The following CHD1L variants were observed in gnomAD, a reference collection of about 807,000 sequenced individuals.
CHD1L encodes chromodomain helicase DNA binding protein 1 like, also known as ATP-dependent chromatin remodeler CHD1L.
In CHD1L, 118 loss-of-function variants were observed where a neutral mutation model predicts 115.9. The observed-to-expected ratio is 1.02, with a 90% CI of 0.88 to 1.19. The LOEUF is 1.19. Among genes scored for constraint, CHD1L ranks in the 50% most tolerant of loss-of-function variants. CHD1L has a pLI of 0.00. For missense variants in CHD1L, 1,179 were observed against 1,065.3 expected (o/e 1.11, Z -1.49); for synonymous variants, 411 against 387.1 (o/e 1.06, Z -0.72).
chr1:147,229,499 T>C, the CHD1L span, among the ~76,000 whole-genome samples: 1 of 152,206 alleles, frequency 6.6e-6, no homozygotes, highest in African/African-American at 2.4e-5. Context: ...CGGGCTCTTT[T>C]TTGGTTCCAT....
the CHD1L span, chr1:147,186,395 G>T: frequency 1.1e-6 from 1 of 887,368 alleles, no homozygotes; most frequent in Non-Finnish European, 1.3e-6. Context: ...TCTTATCTTA[G>T]ATACATACAA....
intron 15 of CHD1L, among the ~76,000 whole-genome samples, chr1:147,282,582 C>T (rs1681347829): frequency 6.6e-6 from 1 of 152,114 alleles, no homozygotes; most frequent in Non-Finnish European, 1.5e-5. Context: ...CCACCATTGC[C>T]TCATAGATCT....
At chr1:147,214,571 A>T in the CHD1L span, among the ~76,000 whole-genome samples, 2 of 152,088 alleles carry the variant, frequency 1.3e-5, no homozygotes, top group African/African-American at 2.4e-5. Context: ...CTCTGCCGAG[A>T]TCACCCTTTT....
rs180845536 is a variant in CHD1L at position 147,292,666 on chromosome 1, C to G, written c.2392-942C>G. On this transcript the variant is annotated intron_variant, in intron 20 of 22. Transcript: ENST00000369258. Reference sequence around the variant, plus strand: ...CTGGGGGCTTCAGGAAGCTCACAGTCATGGTGGAAGGCAAAGGGGAAGCTA... The same window carrying G: ...CTGGGGGCTTCAGGAAGCTCACAGTGATGGTGGAAGGCAAAGGGGAAGCTA... Among the ~76,000 whole-genome samples the G allele has an allele frequency of 3.3e-5, 5 of 152,308 alleles. No homozygotes were observed. In the East Asian group the frequency reaches 7.7e-4, roughly 24 times the overall value.
chr1:147,237,876 C>T (rs1482461783), upstream of CHD1L, among the ~76,000 whole-genome samples: 1 of 152,044 alleles, frequency 6.6e-6, no homozygotes. Context: ...GCAAAAAGAC[C>T]GTGGGCAAAT....
chr1:147,270,986 A>C lies in CHD1L; in HGVS notation c.1140A>C (p.Gln380His), dbSNP rs1675966121. The change falls in exon 11 of 23, where the codon CAA (glutamine) becomes CAC (histidine). Residue 380 changes from glutamine to histidine, a missense_variant. Transcript: ENST00000369258. ...SQMTQMLDILQDYMDYRGYSY... is the reference protein window; with the variant it reads ...SQMTQMLDILHDYMDYRGYSY... ...TGACCCAGATGTTGGATATTCTCCA[A>C]GACTATATGGATTACAGAGGTGACA... 1 of 1,614,036 alleles carries C rather than the reference A, an allele frequency of 6.2e-7. No individual in the cohort carries two copies. Among genetic ancestry groups the C allele is most frequent in the East Asian group, 2.2e-5 (1 of 44,874 alleles).
intron 17 of CHD1L, 58 bp from the exon 18 acceptor site, chr1:147,286,240 C>T (rs1396253200): frequency 1.3e-6 from 2 of 1,544,102 alleles, no homozygotes; most frequent in Non-Finnish European, 1.8e-6. Context: ...ATAAAATGTG[C>T]TCCAAGGGAA....
chr1:147,291,632 C>A, intron 20 of CHD1L, 80 bp downstream of exon 20: 1 of 1,119,422 alleles, frequency 8.9e-7, no homozygotes, highest in Non-Finnish European at 1.4e-6. Flanking sequence ...CCCCAATTGG[C>A]CTCTCTGCTA....
At chr1:147,218,426 A>AT in the CHD1L span, among the ~76,000 whole-genome samples, 1 of 91,578 alleles carries the variant, frequency 1.1e-5, no homozygotes, top group South Asian at 4.2e-4. Context: ...TTTAGTAGAG[A>AT]CGGGTTTCAC....
intron 3 of CHD1L, 123 bp downstream of exon 3, chr1:147,255,099 T>TTGAGCTGATAGAGTGTAGG: frequency 1.6e-6 from 1 of 636,686 alleles, no homozygotes; most frequent in East Asian, 2.9e-5. Context: ...CCAGAAAACT[T>TTGAGCTGATAGAGTGTAGG]TGAGCTGATA....
In CHD1L at chr1:147,254,993, G is replaced by A. The variant is rs782616995; in HGVS notation, c.347+17G>A. The A allele has an allele frequency of 1.1e-5, 17 of 1,522,830 alleles. No individual in the cohort carries two copies. The highest frequency in any genetic ancestry group is 1.8e-4 in the Middle Eastern group (1 of 5,698). The allele number at this position is 1,522,830 out of a possible 1,614,324, so 94.3% of individuals were successfully genotyped here. On this transcript the variant is annotated intron_variant, in intron 3 of 22. Transcript: ENST00000369258. ...AATGCAGAGGTACAGAGTAGATGTA[G>A]CTGAAATTTTATTGTTTATCTTGAT...
chr1:147,266,340 C>G (rs972981876), intron 8 of CHD1L, among the ~76,000 whole-genome samples: 1 of 152,182 alleles, frequency 6.6e-6, no homozygotes, highest in Admixed American at 6.5e-5. Context: ...TAAGCAAACA[C>G]TTCCAGGTGT....
chr1:147,281,914 T>G (rs1681039555), intron 15 of CHD1L, among the ~76,000 whole-genome samples: 1 of 152,224 alleles, frequency 6.6e-6, no homozygotes, highest in South Asian at 2.1e-4. Context: ...CTAATGAACA[T>G]ACATCACTTC....
At chr1:147,243,045 A>C in intron 1 of CHD1L, 1 of 458,438 alleles carries the variant, frequency 2.2e-6, no homozygotes. Flanking sequence ...CGGACGCCAG[A>C]TGAATGAGGT....
chr1:147,184,495 T>C, the CHD1L span: 1 of 1,530,288 alleles, frequency 6.5e-7, no homozygotes, highest in Non-Finnish European at 8.8e-7. The surrounding 1 kb of genome is among the most constrained non-coding windows in gnomAD (Gnocchi z 4.4). Context: ...TTAGATGTTA[T>C]GTCTCCTTAG....
chr1:147,184,408 C>T, the CHD1L span: 3 of 1,330,112 alleles, frequency 2.3e-6, no homozygotes, highest in Admixed American at 1.1e-4. This position sits in a 1 kb window ranked among gnomAD's most constrained non-coding sequence, Gnocchi z 4.4. Context: ...AAAATGCATA[C>T]TTTATTAATA....
At position 147,264,333 on chromosome 1, in the gene CHD1L, C is replaced by T. The variant is rs1270784125; in HGVS notation, c.577-89C>T. The T allele has an allele frequency of 5.9e-6, 7 of 1,195,936 alleles. No individual in the cohort carries two copies. In the African/African-American group the frequency reaches 9.3e-5, roughly 16 times the overall value. The allele number at this position is 1,195,936 out of a possible 1,614,324, so 74.1% of individuals were successfully genotyped here. A position where few individuals can be genotyped will look rare whatever the true frequency, so the allele number is the denominator to read the frequency against. On this transcript the variant is annotated intron_variant, in intron 6 of 22. Transcript: ENST00000369258. ...TCAGTCATTTCATTAAATCATGCCT[C>T]TCTCTGTGTGGGTAAAGGTTGTGAT...
intron 12 of CHD1L, among the ~76,000 whole-genome samples, chr1:147,274,381 C>T (rs1553955750): frequency 6.6e-6 from 1 of 152,130 alleles, no homozygotes; most frequent in East Asian, 1.9e-4. Context: ...CCTCCTTGTT[C>T]CAACTTCAAC....
the CHD1L span, among the ~76,000 whole-genome samples, chr1:147,177,764 C>T: frequency 1.3e-5 from 2 of 152,162 alleles, no homozygotes; most frequent in African/African-American, 4.8e-5. Context: ...GTATAAGAAA[C>T]TGTCACAGTC....
Sources: gnomAD v4.1 joint callset for allele counts (sites outside exome capture counted in the v4.1 genomes callset) on GRCh38, gnomAD v4.1.1 for gene constraint, Gnocchi (gnomAD v3.1) non-coding constraint, MANE v1.5 for transcripts, NCBI Gene and HGNC (gene_info 2026-07-23, HGNC 2026-07-21) for gene names.